NKAIN2: variants seen among roughly 807,000 people sequenced by gnomAD.
NKAIN2 encodes sodium/potassium-transporting ATPase subunit beta-1-interacting protein 2.
NKAIN2 carries 14 observed loss-of-function variants against 32.6 expected under a neutral mutation model. The observed-to-expected ratio is 0.43, with a 90% confidence interval of 0.28 to 0.67. The LOEUF (loss-of-function observed/expected upper bound fraction) is 0.67, where lower values mean the gene tolerates loss of function less well. Ranked by LOEUF, NKAIN2 falls within the 30% of genes least tolerant of loss-of-function variation. The probability of loss-of-function intolerance (pLI) is 0.17; values close to 1 mark genes in which losing one functional copy is unlikely to be tolerated. For synonymous variants in NKAIN2, 80 were observed against 87.2 expected (o/e 0.92, Z 0.46); for missense variants, 198 against 258.3 (o/e 0.77, Z 1.60).
chr6:124,558,409 AT>A (rs34067946), intron 3 of NKAIN2, among the ~76,000 whole-genome samples: 70 of 151,692 alleles, frequency 4.6e-4, no homozygotes, highest in African/African-American at 1.5e-3. Flanking sequence ...TTTCTACTCC[AT>A]TTTTTTTCAT....
chr6:124,187,138 G>T (rs1425313670), intron 1 of NKAIN2, among the ~76,000 whole-genome samples: 1 of 151,896 alleles, frequency 6.6e-6, no homozygotes, highest in Non-Finnish European at 1.5e-5. Flanking sequence ...TTTTTTCTCA[G>T]TTCAGTGGAG....
chr6:123,809,001 A>G (rs960904979), intron 1 of NKAIN2, among the ~76,000 whole-genome samples: 1 of 152,230 alleles, frequency 6.6e-6, no homozygotes, highest in East Asian at 1.9e-4. Flanking sequence ...AATGGCACCA[A>G]TTGCATTAAA....
chr6:124,486,583 C>T (rs1438371466), intron 3 of NKAIN2, among the ~76,000 whole-genome samples: 1 of 152,162 alleles, frequency 6.6e-6, no homozygotes, highest in East Asian at 1.9e-4. Flanking sequence ...AGTTTAAGTG[C>T]AGTCCATTCT....
At chr6:124,120,483 C>G (rs1785826825) in intron 1 of NKAIN2, among the ~76,000 whole-genome samples, 1 of 152,024 alleles carries the variant, frequency 6.6e-6, no homozygotes, top group Admixed American at 6.6e-5. Flanking sequence ...TTAATCTGCA[C>G]AAAAATTCTG....
rs1173510274 is a variant in NKAIN2 at position 124,255,590 on chromosome 6, A to G, written c.55-27415A>G. On this transcript the variant is annotated intron_variant, in intron 1 of 6. Coordinates refer to ENST00000368417, the MANE Select transcript of NKAIN2 (RefSeq NM_001040214.3). The stretch of plus-strand genomic sequence containing the variant: ...ATGGAGCAATAGAAGGAAAGCTTCC[A>G]TTTTGTACATTTTTTACAAACGGAA... Among the ~76,000 whole-genome samples the G allele has an allele frequency of 5.3e-5, 8 of 152,326 alleles. No homozygotes were observed. The East Asian group carries it at 1.5e-3, about 29-fold the overall frequency.
At chr6:124,033,753 G>A (rs1781498272) in intron 1 of NKAIN2, among the ~76,000 whole-genome samples, 1 of 152,104 alleles carries the variant, frequency 6.6e-6, no homozygotes, top group Admixed American at 6.6e-5. Context: ...CAGGAATAAT[G>A]CACTGAATGC....
At chr6:123,838,906 A>G (rs1033161361) in intron 1 of NKAIN2, among the ~76,000 whole-genome samples, 1 of 152,216 alleles carries the variant, frequency 6.6e-6, no homozygotes, top group African/African-American at 2.4e-5. Flanking sequence ...TTGCCCACTT[A>G]AGGATGCTGC....
At chr6:124,471,982 T>C (rs899593834) in intron 3 of NKAIN2, among the ~76,000 whole-genome samples, 1 of 147,298 alleles carries the variant, frequency 6.8e-6, no homozygotes, top group African/African-American at 2.4e-5. Context: ...GTTATTAAAG[T>C]ATGTTTTTTC....
chr6:124,796,349 T>C (rs1028912117), intron 5 of NKAIN2, among the ~76,000 whole-genome samples: 1 of 152,148 alleles, frequency 6.6e-6, no homozygotes, highest in Non-Finnish European at 1.5e-5. Context: ...CATTACCTCT[T>C]CAAAGGGCCA....
chr6:124,453,332 C>CAT lies in NKAIN2; in HGVS notation c.273+97986_273+97987insTA, dbSNP rs1291293325. ...TCATACATGCATATAAACACACACA[C>CAT]ACACACACACACACACACACACACA... On this transcript the variant is annotated intron_variant, in intron 3 of 6. Coordinates refer to ENST00000368417, the MANE Select transcript of NKAIN2 (RefSeq NM_001040214.3). 1.1e-4 allele frequency among the ~76,000 whole-genome samples: 10 copies of CAT among 90,340 alleles called. No individual in the cohort carries two copies. The East Asian group carries it at 3.2e-3, about 29-fold the overall frequency. 59.3% of individuals were successfully genotyped at this position (90,340 alleles called of 152,430 possible). A position where few individuals can be genotyped will look rare whatever the true frequency, so the allele number is the denominator to read the frequency against.
chr6:124,638,260 A>G (rs1457379898), intron 3 of NKAIN2, among the ~76,000 whole-genome samples: 1 of 151,872 alleles, frequency 6.6e-6, no homozygotes, highest in Non-Finnish European at 1.5e-5. Flanking sequence ...CCAAAAATCA[A>G]CTCAAAATGG....
At chr6:124,369,904 G>GT (rs972254457) in intron 3 of NKAIN2, among the ~76,000 whole-genome samples, 2 of 7,152 alleles carry the variant, frequency 2.8e-4, no homozygotes, top group Non-Finnish European at 5.0e-4. Flanking sequence ...TTTTTAACCT[G>GT]TGGATTCACT....
intron 4 of NKAIN2, among the ~76,000 whole-genome samples, chr6:124,687,991 T>C (rs550892092): frequency 2.6e-5 from 4 of 152,036 alleles, no homozygotes; most frequent in African/African-American, 7.2e-5. Flanking sequence ...CAACCAGCTA[T>C]TATGCTTTTG....
chr6:123,962,863 C>T (rs1157968549), intron 1 of NKAIN2, among the ~76,000 whole-genome samples: 6 of 152,172 alleles, frequency 3.9e-5, no homozygotes, highest in Non-Finnish European at 1.5e-5. Flanking sequence ...CTGCCCAGAG[C>T]GAGAGTAAAG....
chr6:124,531,656 T>A (rs1409352983), intron 3 of NKAIN2, among the ~76,000 whole-genome samples: 1 of 152,088 alleles, frequency 6.6e-6, no homozygotes, highest in Admixed American at 6.6e-5. Flanking sequence ...TATTTGAAAG[T>A]TTTTAAGTCA....
At chr6:124,440,068 A>G (rs961657552) in intron 3 of NKAIN2, among the ~76,000 whole-genome samples, 2 of 152,110 alleles carry the variant, frequency 1.3e-5, no homozygotes, top group East Asian at 1.9e-4. Context: ...GAATTGGACA[A>G]GAAGTCTAGA....
intron 1 of NKAIN2, among the ~76,000 whole-genome samples, chr6:123,852,624 A>G (rs985157313): frequency 3.3e-5 from 5 of 152,252 alleles, no homozygotes; most frequent in African/African-American, 1.2e-4. Flanking sequence ...CCATCAATGG[A>G]TGATGACTGG....
intron 1 of NKAIN2, among the ~76,000 whole-genome samples, chr6:124,279,208 A>G (rs1795181482): frequency 6.6e-6 from 1 of 152,010 alleles, no homozygotes; most frequent in African/African-American, 2.4e-5. Flanking sequence ...GGTTTTCTCT[A>G]CGTTTATTAA....
chr6:124,493,927 T>C (rs906665337), intron 3 of NKAIN2, among the ~76,000 whole-genome samples: 4 of 152,000 alleles, frequency 2.6e-5, no homozygotes, highest in Admixed American at 2.6e-4. Context: ...GGAGACTTCA[T>C]CTTTACTTAG....
Sources: allele counts gnomAD v4.1 joint callset (sites outside exome capture counted in the v4.1 genomes callset), GRCh38; gene constraint gnomAD v4.1.1; transcripts MANE v1.5; gene names NCBI Gene and HGNC (gene_info 2026-07-23, HGNC 2026-07-21).